CFAP77: variants seen among roughly 807,000 people sequenced by gnomAD.
The protein encoded by CFAP77 is cilia and flagella associated protein 77, also known as cilia- and flagella-associated protein 77.
A neutral mutation model predicts 31.1 loss-of-function variants in CFAP77; 25 were observed. The observed-to-expected ratio is 0.80, with a 90% confidence interval of 0.59 to 1.12. The LOEUF is 1.12. CFAP77 is among the 50% of genes most tolerant of loss of function. The probability of loss-of-function intolerance (pLI) is 0.00; values close to 1 mark genes in which losing one functional copy is unlikely to be tolerated. For missense variants in CFAP77, 377 were observed against 397.3 expected (o/e 0.95, Z 0.44); for synonymous variants, 151 against 159.9 (o/e 0.94, Z 0.42).
At chr9:132,432,851 C>A (rs1850434967) in intron 1 of CFAP77, among the ~76,000 whole-genome samples, 1 of 151,966 alleles carries the variant, frequency 6.6e-6, no homozygotes, top group Non-Finnish European at 1.5e-5. Flanking sequence ...GTAGCTGGGA[C>A]TACAGGCACC....
intron 1 of CFAP77, among the ~76,000 whole-genome samples, chr9:132,489,995 G>A (rs1237055654): frequency 6.6e-6 from 1 of 152,190 alleles, no homozygotes; most frequent in East Asian, 1.9e-4. Flanking sequence ...CGTTCTAGGG[G>A]CTGGGAGTTC....
intron 3 of CFAP77, among the ~76,000 whole-genome samples, chr9:132,526,076 T>TA (rs941532255): frequency 5.9e-5 from 9 of 151,652 alleles, no homozygotes; most frequent in Non-Finnish European, 8.8e-5. Context: ...CATCTTTAAA[T>TA]AAAAAAAAAT....
chr9:132,544,498 T>C (rs1359709917), intron 5 of CFAP77, among the ~76,000 whole-genome samples: 1 of 150,240 alleles, frequency 6.7e-6, no homozygotes, highest in Non-Finnish European at 1.5e-5. Flanking sequence ...CTATTTTTTT[T>C]TTTTTTTTTT....
intron 5 of CFAP77, among the ~76,000 whole-genome samples, chr9:132,569,771 T>C (rs934517414): frequency 9.0e-5 from 13 of 144,974 alleles, no homozygotes; most frequent in African/African-American, 3.1e-4. Context: ...AATCTCGCTC[T>C]GTTGTCCAGG....
At chr9:132,418,005 T>C (rs1418531262) in intron 1 of CFAP77, among the ~76,000 whole-genome samples, 1 of 152,236 alleles carries the variant, frequency 6.6e-6, no homozygotes, top group Admixed American at 6.5e-5. Context: ...GAGCTTACCC[T>C]TGAGGGTTCT....
At chr9:132,478,472 G>C (rs1256346650) in intron 1 of CFAP77, among the ~76,000 whole-genome samples, 2 of 152,176 alleles carry the variant, frequency 1.3e-5, no homozygotes, top group Non-Finnish European at 2.9e-5. Flanking sequence ...ACAGGAGCAA[G>C]TTCCTCTAAT....
chr9:132,505,813 C>T (rs1333745155), intron 3 of CFAP77, among the ~76,000 whole-genome samples: 1 of 152,086 alleles, frequency 6.6e-6, no homozygotes, highest in Non-Finnish European at 1.5e-5. Flanking sequence ...TTTTTGTTAC[C>T]TGCCTAGTCC....
intron 1 of CFAP77, among the ~76,000 whole-genome samples, chr9:132,440,236 T>G (rs550002032): frequency 6.6e-6 from 1 of 151,634 alleles, no homozygotes; most frequent in East Asian, 1.9e-4. Flanking sequence ...ACTTGAGAGG[T>G]CGAGGAGAGA....
In CFAP77 at chr9:132,511,602, G is replaced by A. The variant is rs546935713; in HGVS notation, c.524+12002G>A. Among the ~76,000 whole-genome samples the A allele has an allele frequency of 6.6e-5, 10 of 152,322 alleles. No individual in the cohort carries two copies. Among genetic ancestry groups the A allele is most frequent in the Admixed American group, 1.3e-4 (2 of 15,300 alleles). On this transcript the variant is annotated intron_variant, in intron 3 of 5. Transcript: ENST00000393216. This position sits in a 1 kb window ranked among gnomAD's most constrained non-coding sequence, Gnocchi z 5.8. ...AGTGCGTCCTGGATTTTGGGAACAG[G>A]CACTATTCTAGTGCCAAGAGCACAT...
Position 132,418,130 on chromosome 9 carries a change from T to C in CFAP77, c.195+7664T>C, listed in dbSNP as rs568917283. Among the ~76,000 whole-genome samples the C allele has an allele frequency of 3.9e-5, 6 of 152,374 alleles. No homozygotes were observed. In the South Asian group the frequency reaches 1.2e-3, roughly 32 times the overall value. On this transcript the variant is annotated intron_variant, in intron 1 of 5. Coordinates refer to ENST00000393216, the MANE Select transcript of CFAP77 (RefSeq NM_001282957.2). ...ACGTGGTCGGATTCAAATGAGATAC[T>C]ATATGATGGAAGAGATTATGGCAAA...
At chr9:132,507,679 C>CA (rs577381095) in intron 3 of CFAP77, among the ~76,000 whole-genome samples, 4 of 152,014 alleles carry the variant, frequency 2.6e-5, no homozygotes, top group Non-Finnish European at 5.9e-5. Context: ...ATCCGATGGC[C>CA]AAAAAAATCC....
chr9:132,545,681 C>T lies in CFAP77; in HGVS notation c.732+2634C>T, dbSNP rs1351177634. On this transcript the variant is annotated intron_variant, in intron 5 of 5. Transcript: ENST00000393216. This position sits in a 1 kb window ranked among gnomAD's most constrained non-coding sequence, Gnocchi z 4.6. The stretch of plus-strand genomic sequence containing the variant: ...CCGTTATGGGTGTCACACGCAGTCG[C>T]CTCCTTGTCAGGAAGTAACACCAAC... 6.6e-6 allele frequency among the ~76,000 whole-genome samples: 1 copy of T among 152,208 alleles called. No individual in the cohort carries two copies. The highest frequency in any genetic ancestry group is 1.5e-5 in the Non-Finnish European group (1 of 68,036).
At position 132,517,411 on chromosome 9, in the gene CFAP77, G is replaced by A. The variant is rs12115430; in HGVS notation, c.524+17811G>A. Among the ~76,000 whole-genome samples the A allele has an allele frequency of 0.011, 1,648 of 152,300 alleles. 26 individuals carry two copies. The highest frequency in any genetic ancestry group is 0.038 in the African/African-American group (1,574 of 41,566). ...AGTGGAATCACGTTGAACAGACCTC[G>A]GCGCTGTCATTGATTTTCCAGGAAG... is the stretch of plus-strand genomic sequence containing the variant. On this transcript the variant is annotated intron_variant, in intron 3 of 5. Coordinates refer to ENST00000393216, the MANE Select transcript of CFAP77 (RefSeq NM_001282957.2). The surrounding 1 kb of genome is among the most constrained non-coding windows in gnomAD (Gnocchi z 4.7).
At chr9:132,505,177 G>A (rs1564231764) in intron 3 of CFAP77, among the ~76,000 whole-genome samples, 3 of 152,194 alleles carry the variant, frequency 2.0e-5, no homozygotes, top group African/African-American at 7.2e-5. Flanking sequence ...TGTGAGCTAC[G>A]ATTCTGACCA....
chr9:132,487,286 G>A (rs915855597), intron 1 of CFAP77, among the ~76,000 whole-genome samples: 2 of 152,158 alleles, frequency 1.3e-5, no homozygotes, highest in Non-Finnish European at 2.9e-5. Context: ...AGAGCTGGGA[G>A]TCCGACTCAG....
chr9:132,468,791 G>GCACACGCACA (rs1851200664), intron 1 of CFAP77, among the ~76,000 whole-genome samples: 1 of 148,590 alleles, frequency 6.7e-6, no homozygotes, highest in Admixed American at 6.7e-5. Context: ...ACACACACAC[G>GCACACGCACA]CACACACACA....
chr9:132,446,194 T>C (rs888396034), intron 1 of CFAP77, among the ~76,000 whole-genome samples: 8 of 152,028 alleles, frequency 5.3e-5, no homozygotes, highest in Admixed American at 3.3e-4. Context: ...TTTTTCATTA[T>C]GGAAAAAAAA....
intron 3 of CFAP77, chr9:132,513,165 C>T: frequency 7.6e-7 from 1 of 1,310,200 alleles, no homozygotes; most frequent in Non-Finnish European, 1.0e-6. Flanking sequence ...TCCAATTCTA[C>T]TCTTAGTTAT....
Position 132,557,799 on chromosome 9 carries a change from T to G in CFAP77, c.733-14589T>G, listed in dbSNP as rs1829437024. 2.0e-5 allele frequency among the ~76,000 whole-genome samples: 3 copies of G among 152,162 alleles called. No homozygotes were observed. The South Asian group carries it at 6.2e-4, about 31-fold the overall frequency. On this transcript the variant is annotated intron_variant, in intron 5 of 5. Transcript: ENST00000393216. ...TTCCATCTCTGCATCCTCCCCTTGC[T>G]CCAACCTACCTGCTGGCTACCCCAG...
Sources: gnomAD v4.1 joint callset for allele counts (sites outside exome capture counted in the v4.1 genomes callset) on GRCh38, gnomAD v4.1.1 for gene constraint, Gnocchi (gnomAD v3.1) non-coding constraint, MANE v1.5 for transcripts, NCBI Gene and HGNC (gene_info 2026-07-23, HGNC 2026-07-21) for gene names.